Variants in CSMD3 observed in about 807,000 individuals in gnomAD.
CSMD3 encodes CUB and Sushi multiple domains 3.
A neutral mutation model predicts 435.2 loss-of-function variants in CSMD3; 177 were observed. The observed-to-expected ratio is 0.41, with a 90% CI of 0.36 to 0.46. The LOEUF is 0.46. Among genes scored for constraint, CSMD3 ranks in the 20% least tolerant of loss-of-function variants. The pLI is 0.34. For synonymous variants in CSMD3, 1,656 were observed against 1,520.5 expected, an observed-to-expected ratio of 1.09 and a Z score of -2.07; for missense variants, 4,265 against 4,504.6, an observed-to-expected ratio of 0.95 and a Z score of 1.52.
intron 13 of CSMD3, among the ~76,000 whole-genome samples, chr8:112,776,123 T>C (rs1380356712): frequency 6.6e-6 from 1 of 151,776 alleles, no homozygotes; most frequent in African/African-American, 2.4e-5. Context: ...TGATAGAGCC[T>C]CATTTACATT....
At position 112,246,980 on chromosome 8, in the gene CSMD3, C is replaced by G. The variant is rs779277510; in HGVS notation, c.10222+40G>C. ...TTGGGAGAAAAAATGCATATAAATT[C>G]TTACCCATGATAGCATTATTTCTTA... On this transcript the variant is annotated intron_variant, in intron 64 of 70. Transcript: ENST00000297405. The G allele has an allele frequency of 1.6e-5, 22 of 1,374,448 alleles. No homozygotes were observed. The Middle Eastern group carries it at 5.3e-4, about 33-fold the overall frequency. The allele number at this position is 1,374,448 out of a possible 1,614,324, so 85.1% of individuals were successfully genotyped here.
intron 3 of CSMD3, among the ~76,000 whole-genome samples, chr8:113,194,534 G>T (rs1373581752): frequency 6.6e-6 from 1 of 151,154 alleles, no homozygotes; most frequent in Non-Finnish European, 1.5e-5. Context: ...AAACTCTAAG[G>T]TAATCTATAG....
At chr8:112,585,829 A>T (rs1446505364) in intron 23 of CSMD3, among the ~76,000 whole-genome samples, 1 of 151,578 alleles carries the variant, frequency 6.6e-6, no homozygotes, top group Non-Finnish European at 1.5e-5. Flanking sequence ...ATTTGCTTGA[A>T]AATAAAAAGC....
intron 35 of CSMD3, among the ~76,000 whole-genome samples, chr8:112,403,408 A>C (rs1189558974): frequency 1.3e-5 from 2 of 152,216 alleles, no homozygotes; most frequent in East Asian, 3.8e-4. Context: ...TAAATTACTT[A>C]GCATGGAATC....
chr8:112,842,947 A>C (rs1179906371), intron 11 of CSMD3, among the ~76,000 whole-genome samples: 1 of 151,846 alleles, frequency 6.6e-6, no homozygotes, highest in Non-Finnish European at 1.5e-5. Flanking sequence ...TCTGCCTCTA[A>C]CTAGTAAAAT....
chr8:112,227,013 T>C (rs961472195), intron 70 of CSMD3, among the ~76,000 whole-genome samples: 2 of 152,212 alleles, frequency 1.3e-5, no homozygotes, highest in African/African-American at 4.8e-5. Flanking sequence ...AACACCTTGA[T>C]GGTTACTCAG....
intron 42 of CSMD3, among the ~76,000 whole-genome samples, chr8:112,338,550 C>A (rs1824793886): frequency 6.6e-6 from 1 of 152,024 alleles, no homozygotes; most frequent in Non-Finnish European, 1.5e-5. Flanking sequence ...ATTTAAATTT[C>A]TGAAAATCAA....
At chr8:112,322,626 A>G (rs1458481252) in intron 45 of CSMD3, among the ~76,000 whole-genome samples, 1 of 152,060 alleles carries the variant, frequency 6.6e-6, no homozygotes, top group African/African-American at 2.4e-5. Flanking sequence ...TCTTTTGGCT[A>G]CAATTCTGAC....
intron 32 of CSMD3, among the ~76,000 whole-genome samples, chr8:112,445,196 T>C (rs1047113530): frequency 1.3e-5 from 2 of 151,904 alleles, no homozygotes; most frequent in African/African-American, 4.8e-5. Flanking sequence ...TGAGCCAAGA[T>C]TGCACCACCG....
chr8:112,424,082 A>G (rs1055513604), intron 32 of CSMD3, among the ~76,000 whole-genome samples: 1 of 152,322 alleles, frequency 6.6e-6, no homozygotes, highest in Non-Finnish European at 1.5e-5. Flanking sequence ...TTTGGATTCT[A>G]TTCAAAGGGA....
At chr8:112,832,676 A>G (rs1317367382) in intron 11 of CSMD3, among the ~76,000 whole-genome samples, 2 of 152,140 alleles carry the variant, frequency 1.3e-5, no homozygotes, top group African/African-American at 4.8e-5. Flanking sequence ...TACAGTTTCA[A>G]ATGAGATCAC....
chr8:112,514,751 C>T (rs1047821038), intron 28 of CSMD3, among the ~76,000 whole-genome samples: 2 of 151,926 alleles, frequency 1.3e-5, no homozygotes, highest in African/African-American at 4.8e-5. Flanking sequence ...AAGCAAAACG[C>T]TTTATGCTTC....
chr8:112,267,262 C>T (rs1373530418), intron 59 of CSMD3, among the ~76,000 whole-genome samples: 1 of 152,058 alleles, frequency 6.6e-6, no homozygotes, highest in South Asian at 2.1e-4. Flanking sequence ...TCAGAGCATT[C>T]AACCTCATAA....
chr8:112,443,161 A>T (rs1815225935), intron 32 of CSMD3, among the ~76,000 whole-genome samples: 1 of 152,214 alleles, frequency 6.6e-6, no homozygotes, highest in African/African-American at 2.4e-5. Flanking sequence ...TGTTTAAGAC[A>T]CTAGTGTTAA....
At chr8:112,248,715 TG>T (rs1315546784) in intron 63 of CSMD3, among the ~76,000 whole-genome samples, 3 of 152,138 alleles carry the variant, frequency 2.0e-5, no homozygotes, top group African/African-American at 7.2e-5. Context: ...CTTCAGACTC[TG>T]AATTCCACCA....
At chr8:112,455,179 G>A (rs906224012) in intron 32 of CSMD3, among the ~76,000 whole-genome samples, 2 of 152,052 alleles carry the variant, frequency 1.3e-5, no homozygotes, top group African/African-American at 4.8e-5. Flanking sequence ...GCAAAGATGT[G>A]GAATAACTTA....
At chr8:112,328,141 G>C (rs1283662992) in intron 45 of CSMD3, among the ~76,000 whole-genome samples, 1 of 152,144 alleles carries the variant, frequency 6.6e-6, no homozygotes, top group African/African-American at 2.4e-5. Flanking sequence ...ATAAGCCCCA[G>C]TGTACTTCAG....
chr8:112,811,611 C>T (rs920989904), intron 12 of CSMD3, among the ~76,000 whole-genome samples: 2 of 152,106 alleles, frequency 1.3e-5, no homozygotes, highest in Non-Finnish European at 2.9e-5. Context: ...AGACAATTAA[C>T]ATGTGTGTAA....
chr8:112,580,037 C>A (rs962313798), intron 23 of CSMD3, among the ~76,000 whole-genome samples: 2 of 151,968 alleles, frequency 1.3e-5, no homozygotes, highest in Non-Finnish European at 2.9e-5. Context: ...CTGCTACATT[C>A]CTTTATTCTG....
Sources: gnomAD v4.1 joint callset for allele counts (sites outside exome capture counted in the v4.1 genomes callset) on GRCh38, gnomAD v4.1.1 for gene constraint, MANE v1.5 for transcripts, NCBI Gene and HGNC (gene_info 2026-07-23, HGNC 2026-07-21) for gene names.